The following IDH2 variants were observed in gnomAD, a reference collection of about 807,000 sequenced individuals.
IDH2 encodes the protein isocitrate dehydrogenase (NADP(+)) 2, also known as isocitrate dehydrogenase [NADP], mitochondrial.
IDH2 carries 18 observed loss-of-function variants against 50.5 expected under a neutral mutation model. The observed-to-expected ratio is 0.36, with a 90% CI of 0.25 to 0.53. IDH2 has a LOEUF of 0.53. IDH2 is among the 20% of genes least tolerant of loss of function. The pLI is 0.92. For synonymous variants in IDH2, 280 were observed against 239.8 expected (o/e 1.17, Z -1.55); for missense variants, 518 against 610.7 (o/e 0.85, Z 1.60).
chr15:90,092,888 A>AT (rs1342408238), intron 1 of IDH2, among the ~76,000 whole-genome samples: 1 of 152,116 alleles, frequency 6.6e-6, no homozygotes, highest in East Asian at 1.9e-4. Context: ...TAATTTTAAA[A>AT]TTTTTTTGTA....
intron 1 of IDH2, among the ~76,000 whole-genome samples, chr15:90,093,338 C>G (rs879640733): frequency 6.6e-6 from 1 of 152,214 alleles, no homozygotes; most frequent in Admixed American, 6.5e-5. Flanking sequence ...TTGTCCAAGA[C>G]TTAGTTCTTT....
At chr15:90,091,747 G>T in intron 1 of IDH2, 103 bp from the exon 2 acceptor site, 1 of 947,746 alleles carries the variant, frequency 1.1e-6, no homozygotes, top group Non-Finnish European at 1.7e-6. Context: ...GTGGCAGAAA[G>T]CCAGGGCTCC....
chr15:90,095,863 G>A (rs998016102), intron 1 of IDH2, among the ~76,000 whole-genome samples: 8 of 152,224 alleles, frequency 5.3e-5, no homozygotes, highest in Admixed American at 2.6e-4. Context: ...GGGGAACTGA[G>A]AACAGCAACA....
At chr15:90,090,123 C>T (rs1008309385) in intron 3 of IDH2, among the ~76,000 whole-genome samples, 1 of 152,234 alleles carries the variant, frequency 6.6e-6, no homozygotes. Context: ...TCACCGATGA[C>T]ACCTACCACT....
At chr15:90,092,466 T>C (rs1184246768) in intron 1 of IDH2, among the ~76,000 whole-genome samples, 1 of 152,044 alleles carries the variant, frequency 6.6e-6, no homozygotes, top group South Asian at 2.1e-4. Context: ...AATGCACTGA[T>C]GCCATCATAG....
chr15:90,084,111 A>G lies in IDH2; in HGVS notation c.*155T>C. Reference sequence around the variant, plus strand: ...CTGCCTCACGTCACCATGAGGGGAAACACACATATGCTTTTAAAAACATCT... The same window carrying G: ...CTGCCTCACGTCACCATGAGGGGAAGCACACATATGCTTTTAAAAACATCT... On this transcript the variant is annotated 3_prime_UTR_variant, in exon 11 of 11. Coordinates refer to ENST00000330062, the MANE Select transcript of IDH2 (RefSeq NM_002168.4). This position sits in a 1 kb window ranked among gnomAD's most constrained non-coding sequence, Gnocchi z 5.0. The G allele has an allele frequency of 1.5e-6, 1 of 645,296 alleles. No homozygotes were observed. The highest frequency in any genetic ancestry group is 2.4e-5 in the Admixed American group (1 of 41,972). The allele number at this position is 645,296 out of a possible 1,614,324, so 40.0% of individuals were successfully genotyped here.
intron 1 of IDH2, among the ~76,000 whole-genome samples, chr15:90,097,447 C>T (rs185086207): frequency 9.2e-5 from 14 of 152,232 alleles, no homozygotes; most frequent in Admixed American, 7.2e-4. Flanking sequence ...ATAAGGGGGA[C>T]TACTGTTATC....
Position 90,100,755 on chromosome 15 carries a change from C to T in IDH2, c.115+1521G>A. The T allele has an allele frequency of 1.7e-6, 1 of 600,256 alleles. No individual in the cohort carries two copies. The highest frequency in any genetic ancestry group is 2.1e-6 in the Non-Finnish European group (1 of 478,006). The allele number at this position is 600,256 out of a possible 1,614,324, so 37.2% of individuals were successfully genotyped here. ...GCTGCGTTGCCAGGTAACAAGCTGG[C>T]AGAGTCGCAACTGTAGAGTCTGATG... On this transcript the variant is annotated intron_variant, in intron 1 of 10. Transcript: ENST00000330062. This position sits in a 1 kb window ranked among gnomAD's most constrained non-coding sequence, Gnocchi z 4.1.
Position 90,084,691 on chromosome 15 carries a change from C to A in IDH2, c.1271+125G>T, listed in dbSNP as rs547301268. ...GGCTGGCCTGAGCAGTCTCTCAGGG[C>A]TGTGGACATGTCCTGCCCCAGGCCC... On this transcript the variant is annotated intron_variant, in intron 10 of 10. Transcript: ENST00000330062. The surrounding 1 kb of genome is among the most constrained non-coding windows in gnomAD (Gnocchi z 5.0). 1.1e-4 allele frequency: 87 copies of A among 823,042 alleles called. 2 individuals carry two copies. In the East Asian group the frequency reaches 1.7e-3, roughly 16 times the overall value. The allele number at this position is 823,042 out of a possible 1,614,324, so 51.0% of individuals were successfully genotyped here. A position where few individuals can be genotyped will look rare whatever the true frequency, so the allele number is the denominator to read the frequency against.
rs145802942 is a variant in IDH2 at position 90,091,619 on chromosome 15, C to T, written c.141G>A (p.Ala47=). 98 of 1,614,210 alleles carry T rather than the reference C, an allele frequency of 6.1e-5. No individual in the cohort carries two copies. The African/African-American group carries it at 7.9e-4, about 13-fold the overall frequency. ...CACCATCCATCTCCACCACGGGCTT[C>T]GCCACCTTGATCCTTTTGTCGGCAT... ...RHYADKRIKV[A]KPVVEMDGDE... Residue 47 remains alanine (A), a synonymous_variant, in exon 2 of 11, where the codon GCG becomes GCA. Transcript: ENST00000330062.
At chr15:90,099,899 C>T (rs1901285128) in intron 1 of IDH2, among the ~76,000 whole-genome samples, 1 of 152,174 alleles carries the variant, frequency 6.6e-6, no homozygotes, top group African/African-American at 2.4e-5. Context: ...TCCCCAGCAC[C>T]CGGCATGGTG....
In IDH2 at chr15:90,100,440, G is replaced by A. The variant is rs139110146; in HGVS notation, c.115+1836C>T. 5.9e-3 allele frequency: 1,012 copies of A among 171,146 alleles called. 11 individuals are homozygous for A. The highest frequency in any genetic ancestry group is 0.023 in the African/African-American group (971 of 41,850). The allele number at this position is 171,146 out of a possible 1,614,324, so 10.6% of individuals were successfully genotyped here. On this transcript the variant is annotated intron_variant, in intron 1 of 10. Coordinates refer to ENST00000330062, the MANE Select transcript of IDH2 (RefSeq NM_002168.4). This position sits in a 1 kb window ranked among gnomAD's most constrained non-coding sequence, Gnocchi z 4.1. ...CAGGGCAGCTAGGGCCTTATCTGAC[G>A]TGGCAGAAAGATCTGCACACTTAAG...
intron 1 of IDH2, among the ~76,000 whole-genome samples, chr15:90,101,310 G>A (rs1255529323): frequency 6.6e-6 from 1 of 152,160 alleles, no homozygotes; most frequent in Non-Finnish European, 1.5e-5. Context: ...ATTAGGATAG[G>A]GGTTTCCATG....
intron 1 of IDH2, among the ~76,000 whole-genome samples, chr15:90,096,822 G>A (rs1229653370): frequency 1.3e-5 from 2 of 152,060 alleles, no homozygotes; most frequent in African/African-American, 4.8e-5. Context: ...GCTGAGGCAG[G>A]AGAATGGCAT....
rs953889640 is a variant in IDH2, at chr15:90,083,805, C to T, written c.*461G>A. ...CTGTGCCCTGAGTGTCCGAGAACTC[C>T]GCAGTGGGCCCCTGTGGAATGCGGG... On this transcript the variant is annotated 3_prime_UTR_variant, in exon 11 of 11. Transcript: ENST00000330062. The T allele has an allele frequency of 2.8e-5, 7 of 252,434 alleles. No homozygotes were observed. The highest frequency in any genetic ancestry group is 2.5e-4 in the Admixed American group (5 of 20,290). 15.6% of individuals were successfully genotyped at this position (252,434 alleles called of 1,614,324 possible).
chr15:90,099,212 C>T (rs1377945528), intron 1 of IDH2, among the ~76,000 whole-genome samples: 1 of 152,134 alleles, frequency 6.6e-6, no homozygotes, highest in Non-Finnish European at 1.5e-5. Context: ...TCAAAAATGG[C>T]CTGTGAGCCC....
At chr15:90,102,064 C>G (rs892409471) in intron 1 of IDH2, among the ~76,000 whole-genome samples, 2 of 151,908 alleles carry the variant, frequency 1.3e-5, no homozygotes, top group Non-Finnish European at 2.9e-5. Context: ...CAGTTGCCAC[C>G]GTCCCTCAAG....
chr15:90,086,682 G>A (rs893305821), intron 7 of IDH2, among the ~76,000 whole-genome samples: 1 of 152,054 alleles, frequency 6.6e-6, no homozygotes, highest in Non-Finnish European at 1.5e-5. Flanking sequence ...TTGTCTTTTA[G>A]GACACCCTAG....
At chr15:90,092,221 A>G (rs1901057350) in intron 1 of IDH2, among the ~76,000 whole-genome samples, 1 of 152,120 alleles carries the variant, frequency 6.6e-6, no homozygotes, top group Admixed American at 6.6e-5. Context: ...TCCCAAAACC[A>G]TCCCCGCTGC....
Sources: gnomAD v4.1 joint callset for allele counts (sites outside exome capture counted in the v4.1 genomes callset) on GRCh38, gnomAD v4.1.1 for gene constraint, Gnocchi (gnomAD v3.1) non-coding constraint, MANE v1.5 for transcripts, NCBI Gene and HGNC (gene_info 2026-07-23, HGNC 2026-07-21) for gene names.